Variants in FTCDNL1 observed in about 807,000 individuals in gnomAD.
FTCDNL1 encodes formiminotransferase cyclodeaminase N-terminal like, also known as formiminotransferase N-terminal subdomain-containing protein.
A neutral mutation model predicts 5.9 loss-of-function variants in FTCDNL1; 11 were observed. That is an observed-to-expected ratio of 1.87 (90% CI 1.18 to 3.10). The LOEUF is 3.10. Among genes scored for constraint, FTCDNL1 ranks in the 30% most tolerant of loss-of-function variants. The probability of loss-of-function intolerance (pLI) is 0.00; values close to 1 mark genes in which losing one functional copy is unlikely to be tolerated. For missense variants in FTCDNL1, 115 were observed against 65.5 expected (o/e 1.76, Z -2.61); for synonymous variants, 58 against 24.8 (o/e 2.34, Z -3.99).
At chr2:199,694,397 A>G in the FTCDNL1 span, among the ~76,000 whole-genome samples, 2 of 152,234 alleles carry the variant, frequency 1.3e-5, no homozygotes, top group Non-Finnish European at 2.9e-5. Flanking sequence ...TGATGTGCAC[A>G]ACCAGGTTTC....
the FTCDNL1 span, among the ~76,000 whole-genome samples, chr2:199,697,194 C>A: frequency 2.0e-5 from 3 of 152,044 alleles, no homozygotes; most frequent in African/African-American, 7.2e-5. Context: ...ATGGCGTGAA[C>A]CTGGGAGGCA....
At chr2:199,700,183 A>G in the FTCDNL1 span, among the ~76,000 whole-genome samples, 1 of 152,230 alleles carries the variant, frequency 6.6e-6, no homozygotes. Flanking sequence ...CCTAGATCTG[A>G]TAAACAATTT....
At position 199,814,078 on chromosome 2, in the gene FTCDNL1, G is replaced by A. The variant is rs571210562; in HGVS notation, c.398-1354C>T. Among the ~76,000 whole-genome samples, 139 of 152,140 alleles carry A rather than the reference G, an allele frequency of 9.1e-4. 4 individuals are homozygous for A. Among genetic ancestry groups the A allele is most frequent in the South Asian group, 1.7e-3 (8 of 4,812 alleles). On this transcript the variant is annotated intron_variant, in intron 4 of 4. Transcript: ENST00000420128. ...GCTTCAGAGTAACAAACAGAGCAAG[G>A]CAACCAGACTCAGAACTCAGGTTCA...
At chr2:199,812,844 AAAAG>A (rs1701118536) in intron 4 of FTCDNL1, 120 bp from the exon 5 acceptor site, 2 of 594,288 alleles carry the variant, frequency 3.4e-6, no homozygotes, top group African/African-American at 1.9e-5. Context: ...ATCAAAAAGA[AAAAG>A]AAACTGAGAT....
At chr2:199,759,292 T>A (rs1698179917), downstream of FTCDNL1, among the ~76,000 whole-genome samples, 2 of 150,680 alleles carry the variant, frequency 1.3e-5, no homozygotes, top group African/African-American at 5.0e-5. Flanking sequence ...TCCTTATCAT[T>A]TGTTGTTTTT....
At chr2:199,666,643 G>A in the FTCDNL1 span, among the ~76,000 whole-genome samples, 1 of 152,084 alleles carries the variant, frequency 6.6e-6, no homozygotes, top group Non-Finnish European at 1.5e-5. Flanking sequence ...TTGGTCCAGG[G>A]TGGTGGCTCA....
At chr2:199,849,706 AT>A (rs1297885959) in intron 1 of FTCDNL1, among the ~76,000 whole-genome samples, 3 of 152,206 alleles carry the variant, frequency 2.0e-5, no homozygotes, top group Admixed American at 6.5e-5. Flanking sequence ...CTAGAATAGC[AT>A]TTTTGACACA....
At chr2:199,708,430 C>A in the FTCDNL1 span, among the ~76,000 whole-genome samples, 3 of 152,044 alleles carry the variant, frequency 2.0e-5, no homozygotes, top group African/African-American at 7.2e-5. Context: ...TTTCCTGCTT[C>A]TTGAAATATG....
the FTCDNL1 span, among the ~76,000 whole-genome samples, chr2:199,668,370 A>G: frequency 6.6e-6 from 1 of 152,206 alleles, no homozygotes; most frequent in African/African-American, 2.4e-5. Context: ...AGTAGTGAAC[A>G]AATGTCCTAT....
At chr2:199,742,293 G>A in the FTCDNL1 span, among the ~76,000 whole-genome samples, 1 of 151,940 alleles carries the variant, frequency 6.6e-6, no homozygotes. Context: ...CTTTCCCCTG[G>A]CCCTGTGGGT....
intron 3 of FTCDNL1, among the ~76,000 whole-genome samples, chr2:199,793,424 T>C (rs1315564297): frequency 1.3e-5 from 2 of 151,918 alleles, no homozygotes; most frequent in Non-Finnish European, 2.9e-5. Flanking sequence ...TGACTACCCA[T>C]CATCAATAAA....
At chr2:199,796,107 T>C (rs1700158741) in intron 3 of FTCDNL1, among the ~76,000 whole-genome samples, 1 of 152,184 alleles carries the variant, frequency 6.6e-6, no homozygotes, top group African/African-American at 2.4e-5. Context: ...ATATATGTTA[T>C]TGAAAAAAAT....
At chr2:199,827,764 C>A (rs911371669) in intron 3 of FTCDNL1, among the ~76,000 whole-genome samples, 57 of 152,056 alleles carry the variant, frequency 3.7e-4, no homozygotes, top group Non-Finnish European at 5.9e-5. Context: ...CAGAGTATAA[C>A]TCAATAAATA....
At chr2:199,671,717 A>G in the FTCDNL1 span, among the ~76,000 whole-genome samples, 2 of 151,950 alleles carry the variant, frequency 1.3e-5, no homozygotes, top group African/African-American at 4.8e-5. Context: ...AGCTGGGACA[A>G]TATTAGCCCA....
chr2:199,817,623 A>G (rs1206735190), intron 4 of FTCDNL1, among the ~76,000 whole-genome samples: 1 of 152,070 alleles, frequency 6.6e-6, no homozygotes, highest in Non-Finnish European at 1.5e-5. Context: ...CCCTGTCTCT[A>G]CAAAATATAC....
chr2:199,771,122 C>T (rs187350441), intron 3 of FTCDNL1, among the ~76,000 whole-genome samples: 4 of 152,184 alleles, frequency 2.6e-5, no homozygotes, highest in African/African-American at 7.2e-5. Context: ...GACAGGCATG[C>T]GCATTCATGG....
the FTCDNL1 span, among the ~76,000 whole-genome samples, chr2:199,748,613 CT>C: frequency 5.9e-5 from 9 of 152,278 alleles, no homozygotes; most frequent in East Asian, 1.5e-3. Flanking sequence ...TAATCAGCCC[CT>C]GATCTGTGAG....
chr2:199,694,811 G>T, the FTCDNL1 span, among the ~76,000 whole-genome samples: 1 of 152,136 alleles, frequency 6.6e-6, no homozygotes, highest in Admixed American at 6.6e-5. Flanking sequence ...TCCAGCCTGG[G>T]TGACAGAGTA....
chr2:199,847,566 TG>T (rs2076764684), intron 2 of FTCDNL1, among the ~76,000 whole-genome samples: 1 of 152,232 alleles, frequency 6.6e-6, no homozygotes, highest in Non-Finnish European at 1.5e-5. Context: ...AAATTACTGC[TG>T]GCAAGAGGAG....
Sources: gnomAD v4.1 joint callset for allele counts (sites outside exome capture counted in the v4.1 genomes callset) on GRCh38, gnomAD v4.1.1 for gene constraint, MANE v1.5 for transcripts, NCBI Gene and HGNC (gene_info 2026-07-23, HGNC 2026-07-21) for gene names.